ZNF512: variants seen among roughly 807,000 people sequenced by gnomAD.
ZNF512 encodes zinc finger protein 512.
In ZNF512, 25 loss-of-function variants were observed where a neutral mutation model predicts 77.5. That is an observed-to-expected ratio of 0.32 (90% CI 0.23 to 0.45). The LOEUF (loss-of-function observed/expected upper bound fraction) is 0.45, where lower values mean the gene tolerates loss of function less well. ZNF512 is among the 20% of genes least tolerant of loss of function. The pLI is 1.00. For missense variants in ZNF512, 483 were observed against 692.6 expected, an observed-to-expected ratio of 0.70 and a Z score of 3.40; for synonymous variants, 246 against 239.9, an observed-to-expected ratio of 1.03 and a Z score of -0.24.
intron 5 of ZNF512, 83 bp downstream of exon 5, chr2:27,600,136 A>AC: frequency 6.9e-7 from 1 of 1,455,458 alleles, no homozygotes; most frequent in Non-Finnish European, 9.5e-7. Context: ...GGAATGAGGT[A>AC]CTAAAGCATT....
At chr2:27,607,520 AC>A (rs1209276359) in intron 9 of ZNF512, among the ~76,000 whole-genome samples, 1 of 152,068 alleles carries the variant, frequency 6.6e-6, no homozygotes. Context: ...GGCGTGTGCC[AC>A]CATGCCAAGC....
intron 4 of ZNF512, 65 bp from the exon 5 acceptor site, chr2:27,599,905 G>A: frequency 6.4e-7 from 1 of 1,555,878 alleles, no homozygotes. Context: ...AAGAGGAGGA[G>A]AGGGAAGAGA....
chr2:27,596,174 G>C (rs1250438321), intron 2 of ZNF512, among the ~76,000 whole-genome samples: 1 of 152,168 alleles, frequency 6.6e-6, no homozygotes, highest in Non-Finnish European at 1.5e-5. Flanking sequence ...TCCCAAACAT[G>C]AATAGCTTAG....
At chr2:27,587,695 T>C (rs1270814161) in intron 2 of ZNF512, among the ~76,000 whole-genome samples, 90 of 152,066 alleles carry the variant, frequency 5.9e-4, no homozygotes, top group Non-Finnish European at 8.8e-5. Flanking sequence ...ATTTTATTTT[T>C]TTTGAGACAG....
intron 1 of ZNF512, 32 bp from the exon 2 acceptor site, chr2:27,583,626 T>A (rs758537382): frequency 6.2e-7 from 1 of 1,612,982 alleles, no homozygotes; most frequent in Non-Finnish European, 8.5e-7. Flanking sequence ...CAGAGGTCCC[T>A]AGCACTCACT....
intron 3 of ZNF512, among the ~76,000 whole-genome samples, chr2:27,598,583 C>T (rs563511733): frequency 6.8e-4 from 103 of 150,368 alleles, no homozygotes; most frequent in African/African-American, 1.9e-3. Context: ...GAGCAGAGAT[C>T]GCACCATTGC....
intron 3 of ZNF512, among the ~76,000 whole-genome samples, chr2:27,599,154 C>G (rs184108707): frequency 6.6e-6 from 1 of 152,236 alleles, no homozygotes; most frequent in African/African-American, 2.4e-5. Flanking sequence ...GGCTGGCCCC[C>G]CTTTTCTTCT....
At chr2:27,589,908 A>G (rs533520170) in intron 2 of ZNF512, among the ~76,000 whole-genome samples, 1 of 152,166 alleles carries the variant, frequency 6.6e-6, no homozygotes, top group African/African-American at 2.4e-5. Context: ...GTTGATACCA[A>G]TGTGGTCAGA....
chr2:27,618,292 AT>A (rs1051043889), intron 13 of ZNF512, among the ~76,000 whole-genome samples: 8 of 152,224 alleles, frequency 5.3e-5, no homozygotes, highest in Admixed American at 5.2e-4. Context: ...CATGTTTGAA[AT>A]TCTTATTTCA....
chr2:27,600,557 C>G, intron 5 of ZNF512, 134 bp from the exon 6 acceptor site: 1 of 993,170 alleles, frequency 1.0e-6, no homozygotes, highest in East Asian at 2.6e-5. Context: ...TTATACCCAG[C>G]AAGAGCCTCT....
In ZNF512 at chr2:27,621,360, G is replaced by A. The variant is rs964834739; in HGVS notation, c.1603G>A (p.Val535Ile). The A allele has an allele frequency of 1.2e-6, 2 of 1,614,138 alleles. No individual in the cohort carries two copies. Among genetic ancestry groups the A allele is most frequent in the Admixed American group, 1.7e-5 (1 of 60,016 alleles). ...TCAGAGGAGGAATAATGAGGAACTG[G>A]TAGTGTCAGCCTCCTGTAAGGAACC... ...KDQRRNNEEL[V>I]VSASCKEPEQ... Residue 535 changes from valine (V) to isoleucine (I), a missense_variant, in exon 14 of 14, where the codon GTA (valine) becomes ATA (isoleucine). Physicochemically the swap from Val to Ile is conservative, Grantham distance 29. Around this residue, in one of 2 missense-constraint regions of ZNF512, gnomAD observed 324 missense variants for 525.0 expected, o/e 0.62. Transcript: ENST00000355467.
At chr2:27,595,376 C>CTGCAGCGGCGCGATCTCTGCTCAT (rs1671818495) in intron 2 of ZNF512, among the ~76,000 whole-genome samples, 1 of 150,252 alleles carries the variant, frequency 6.7e-6, no homozygotes, top group African/African-American at 2.5e-5. Context: ...TCTCTGCTCA[C>CTGCAGCGGCGCGATCTCTGCTCAT]TGCAGCGGCG....
At chr2:27,610,091 G>A (rs1366914357) in intron 10 of ZNF512, among the ~76,000 whole-genome samples, 4 of 151,220 alleles carry the variant, frequency 2.6e-5, no homozygotes, top group Non-Finnish European at 4.4e-5. Context: ...GTTGCCGGGC[G>A]TGGTGGCTCA....
chr2:27,615,381 T>C, intron 11 of ZNF512, 112 bp downstream of exon 11: 1 of 649,438 alleles, frequency 1.5e-6, no homozygotes, highest in Non-Finnish European at 2.5e-6. Flanking sequence ...TTAAAACAAT[T>C]ATTTTATTTG....
chr2:27,600,963 G>A (rs1672091329), intron 6 of ZNF512, 148 bp downstream of exon 6: 7 of 1,115,144 alleles, frequency 6.3e-6, no homozygotes, highest in Admixed American at 3.4e-5. Flanking sequence ...ACAGAGTTAG[G>A]TTTGAATCTT....
At chr2:27,584,735 A>G (rs1301720297) in intron 2 of ZNF512, among the ~76,000 whole-genome samples, 1 of 152,222 alleles carries the variant, frequency 6.6e-6, no homozygotes, top group Non-Finnish European at 1.5e-5. Flanking sequence ...AGAACAGAGA[A>G]CAGCATGTGA....
intron 1 of ZNF512, chr2:27,583,425 G>C: frequency 6.9e-7 from 1 of 1,443,330 alleles, no homozygotes; most frequent in Non-Finnish European, 9.1e-7. Context: ...CTCCCTTTTA[G>C]AGCCTGGGAC....
chr2:27,607,867 G>A lies in ZNF512; in HGVS notation c.959G>A (p.Gly320Glu). ...CAGATATCCTTCTTTCCAGAGTCAG[G>A]ACAGCCAGAGTGCTTAAAGGAGATG... is the stretch of plus-strand genomic sequence containing the variant. ...HGPISFFPES[G>E]QPECLKEMNL... The change falls in exon 10 of 14, where the codon GGA becomes GAA. Residue 320 changes from glycine (G) to glutamate (E), a missense_variant. Gly to Glu is a moderately conservative substitution (Grantham distance 98, BLOSUM62 -2). Coordinates refer to ENST00000355467, the MANE Select transcript of ZNF512 (RefSeq NM_032434.4). 6.2e-7 allele frequency: 1 copy of A among 1,614,092 alleles called. No homozygotes were observed. Among genetic ancestry groups the A allele is most frequent in the Non-Finnish European group, 8.5e-7 (1 of 1,180,008 alleles).
intron 2 of ZNF512, among the ~76,000 whole-genome samples, chr2:27,588,143 T>C (rs1671422031): frequency 6.6e-6 from 1 of 152,096 alleles, no homozygotes; most frequent in Non-Finnish European, 1.5e-5. Context: ...CCAGTCTGGT[T>C]TGTCTTTCAT....
Sources: allele counts gnomAD v4.1 joint callset (sites outside exome capture counted in the v4.1 genomes callset), GRCh38; gene constraint gnomAD v4.1.1; regional missense constraint gnomAD v4.1.1; transcripts MANE v1.5; gene names NCBI Gene and HGNC (gene_info 2026-07-23, HGNC 2026-07-21).